ZNF254: variants seen among roughly 807,000 people sequenced by gnomAD.
ZNF254 encodes CTD-2017D11.1.
Under a neutral mutation model 12.4 loss-of-function variants are expected in ZNF254, and 10 were observed. The ratio of observed to expected loss-of-function variants is 0.80; its 90% confidence interval spans 0.50 to 1.36. The LOEUF (loss-of-function observed/expected upper bound fraction) is 1.36. Among genes scored for constraint, ZNF254 ranks in the 40% most tolerant of loss-of-function variants. The pLI, the probability that ZNF254 is intolerant of heterozygous loss-of-function variation, is 0.00. For missense variants in ZNF254, 996 were observed against 763.9 expected (o/e 1.30, Z -3.58); for synonymous variants, 305 against 253.4 (o/e 1.20, Z -1.93).
In ZNF254 at chr19:24,076,990, A is replaced by G. The variant is rs563538060; in HGVS notation, c.-93-28950A>G. ...TTGCTCAGAAGGAAATTCCTAGTGA[A>G]TAGATGACAGACAGAACTCAAAGTT... On this transcript the variant is annotated intron_variant, in intron 2 of 4. Coordinates refer to the ZNF254 transcript ENST00000613065. Among the ~76,000 whole-genome samples the G allele has an allele frequency of 9.4e-4, 143 of 152,322 alleles. 1 individual carries two copies. Among genetic ancestry groups the G allele is most frequent in the African/African-American group, 3.3e-3 (139 of 41,576 alleles).
At chr19:24,087,122 G>T, upstream of ZNF254, 1 of 642,308 alleles carries the variant, frequency 1.6e-6, no homozygotes. Context: ...AGGGACGTTG[G>T]GCTGGGAACT....
At chr19:24,086,207 G>A (rs866493456), upstream of ZNF254, among the ~76,000 whole-genome samples, 7 of 150,512 alleles carry the variant, frequency 4.7e-5, no homozygotes, top group African/African-American at 1.7e-4. Context: ...ACTTCGTCTA[G>A]ACAAAAAATA....
rs568088729 is a variant in ZNF254, at chr19:24,106,679, A to G, written c.253+36A>G. 5.3e-5 allele frequency: 79 copies of G among 1,504,276 alleles called. 2 individuals are homozygous for G. The South Asian group carries it at 8.4e-4, about 16-fold the overall frequency. 93.2% of individuals were successfully genotyped at this position (1,504,276 alleles called of 1,614,324 possible). A position where few individuals can be genotyped will look rare whatever the true frequency, so the allele number is the denominator to read the frequency against. On this transcript the variant is annotated intron_variant, in intron 3 of 3. Transcript: ENST00000357002. Reference sequence around the variant, plus strand: ...GTGAATACAACAGATGACATGGATGAGAGGTCCAAAGTCAAGAAGAAAGCC... The same window carrying G: ...GTGAATACAACAGATGACATGGATGGGAGGTCCAAAGTCAAGAAGAAAGCC...
At chr19:24,039,559 G>A (rs534604237) in intron 1 of ZNF254, among the ~76,000 whole-genome samples, 5 of 152,226 alleles carry the variant, frequency 3.3e-5, no homozygotes, top group South Asian at 2.1e-4. Flanking sequence ...CAAGTAGCTG[G>A]GATTACAGGC....
chr19:24,113,767 A>G (rs1410988090), intron 3 of ZNF254, among the ~76,000 whole-genome samples: 1 of 152,200 alleles, frequency 6.6e-6, no homozygotes, highest in Non-Finnish European at 1.5e-5. Flanking sequence ...AGATGACATG[A>G]TTGTATACCT....
chr19:24,107,494 T>C (rs1470506224), intron 3 of ZNF254: 3 of 308,194 alleles, frequency 9.7e-6, no homozygotes, highest in Non-Finnish European at 1.8e-5. Context: ...TCAGATAGTT[T>C]AAGTGTATGG....
chr19:24,042,560 AAG>A (rs1970217542), intron 1 of ZNF254, among the ~76,000 whole-genome samples: 1 of 152,140 alleles, frequency 6.6e-6, no homozygotes, highest in Admixed American at 6.5e-5. Flanking sequence ...CACCAGAAGG[AAG>A]AAACTCCGAA....
At chr19:24,060,718 A>T (rs1261817757) in intron 2 of ZNF254, among the ~76,000 whole-genome samples, 2 of 152,174 alleles carry the variant, frequency 1.3e-5, no homozygotes, top group African/African-American at 2.4e-5. Flanking sequence ...CTCTAGGTTC[A>T]TCATCTAGAT....
chr19:24,105,729 T>A (rs1289713989), intron 1 of ZNF254: 2 of 650,122 alleles, frequency 3.1e-6, no homozygotes, highest in Admixed American at 3.7e-5. Flanking sequence ...GTATCACATA[T>A]ACACTGATGT....
intron 2 of ZNF254, among the ~76,000 whole-genome samples, chr19:24,058,210 A>G (rs1452169399): frequency 1.3e-5 from 2 of 152,100 alleles, no homozygotes; most frequent in Non-Finnish European, 2.9e-5. Context: ...ATTGTGACAC[A>G]TGCCTCTGTG....
chr19:24,075,977 C>G (rs939891390), intron 2 of ZNF254, among the ~76,000 whole-genome samples: 1 of 152,212 alleles, frequency 6.6e-6, no homozygotes, highest in Non-Finnish European at 1.5e-5. Flanking sequence ...TCTGCCCAGC[C>G]CTACAGGCAG....
At chr19:24,107,390 T>A in intron 3 of ZNF254, 1 of 412,174 alleles carries the variant, frequency 2.4e-6, no homozygotes, top group East Asian at 3.6e-5. Flanking sequence ...GATATATCTT[T>A]CACTTGAAAG....
At chr19:24,082,641 T>C (rs930735732), upstream of ZNF254, among the ~76,000 whole-genome samples, 109 of 133,570 alleles carry the variant, frequency 8.2e-4, 1 homozygote, top group African/African-American at 3.0e-3. Context: ...CAGAGTGAGA[T>C]TCCATCTCAA....
intron 3 of ZNF254, among the ~76,000 whole-genome samples, chr19:24,115,582 A>G (rs1267395288): frequency 1.3e-5 from 2 of 151,920 alleles, no homozygotes; most frequent in Non-Finnish European, 2.9e-5. Flanking sequence ...CTAGATGACG[A>G]GTTAATGGGT....
chr19:24,081,943 C>T (rs905965701), intron 2 of ZNF254, among the ~76,000 whole-genome samples: 26 of 151,730 alleles, frequency 1.7e-4, no homozygotes, highest in Non-Finnish European at 2.7e-4. Flanking sequence ...GCTAACATGG[C>T]GAAACCCCGT....
chr19:24,127,676 C>T lies in ZNF254; in HGVS notation c.1676C>T (p.Ser559Leu). ...TGTGGCAAAGCCTTTAAGCAGTCTTCAATCCTTACTAACCATAAGAGAATT... is the reference window on the plus strand; with the variant it reads ...TGTGGCAAAGCCTTTAAGCAGTCTTTAATCCTTACTAACCATAAGAGAATT... ...EKCGKAFKQS[S>L]ILTNHKRIHT... Residue 559 changes from serine (S) to leucine (L), a missense_variant, in exon 4 of 4, where the codon TCA becomes TTA. Physicochemically the swap from Ser to Leu is moderately radical, Grantham distance 145. Coordinates refer to ENST00000357002, the MANE Select transcript of ZNF254 (RefSeq NM_203282.4). 6.2e-7 allele frequency: 1 copy of T among 1,613,466 alleles called. No individual in the cohort carries two copies. The highest frequency in any genetic ancestry group is 8.5e-7 in the Non-Finnish European group (1 of 1,179,746).
chr19:24,112,314 T>G (rs1973736962), intron 3 of ZNF254, among the ~76,000 whole-genome samples: 1 of 137,312 alleles, frequency 7.3e-6, no homozygotes, highest in South Asian at 2.4e-4. Flanking sequence ...TCTATATCTC[T>G]GTTTTCGTAC....
intron 2 of ZNF254, among the ~76,000 whole-genome samples, chr19:24,047,089 G>A (rs531999972): frequency 2.0e-5 from 3 of 151,806 alleles, no homozygotes; most frequent in East Asian, 1.9e-4. Flanking sequence ...GTCTGGTCTC[G>A]AACTCCTGAC....
At chr19:24,076,097 A>T (rs1971647756) in intron 2 of ZNF254, among the ~76,000 whole-genome samples, 1 of 152,200 alleles carries the variant, frequency 6.6e-6, no homozygotes, top group East Asian at 1.9e-4. Context: ...TTGTACAGAT[A>T]ATGCAATCAT....
Sources: gnomAD v4.1 joint callset for allele counts (sites outside exome capture counted in the v4.1 genomes callset) on GRCh38, gnomAD v4.1.1 for gene constraint, MANE v1.5 for transcripts, NCBI Gene and HGNC (gene_info 2026-07-23, HGNC 2026-07-21) for gene names.